LCOR: variants seen among roughly 807,000 people sequenced by gnomAD.
LCOR encodes ligand dependent nuclear receptor corepressor, also known as ligand-dependent corepressor.
A neutral mutation model predicts 64.4 loss-of-function variants in LCOR; 14 were observed. The ratio of observed to expected loss-of-function variants is 0.22; its 90% confidence interval spans 0.14 to 0.34. The LOEUF (loss-of-function observed/expected upper bound fraction) is 0.34. Among genes scored for constraint, LCOR ranks in the 10% least tolerant of loss-of-function variants. The probability of loss-of-function intolerance (pLI) is 1.00; values close to 1 mark genes in which losing one functional copy is unlikely to be tolerated. For synonymous variants in LCOR, 643 were observed against 642.5 expected (o/e 1.00, Z -0.01); for missense variants, 1,686 against 1,765.3 (o/e 0.96, Z 0.80).
At chr10:96,905,763 T>C (rs116461617) in intron 2 of LCOR, among the ~76,000 whole-genome samples, 1 of 152,154 alleles carries the variant, frequency 6.6e-6, no homozygotes, top group East Asian at 1.9e-4. Context: ...ATAATCTTGA[T>C]GGGAATTAAA....
chr10:96,923,152 G>A (rs1175833246), intron 4 of LCOR, among the ~76,000 whole-genome samples: 1 of 152,324 alleles, frequency 6.6e-6, no homozygotes, highest in East Asian at 1.9e-4. Context: ...ATGTAGGAAA[G>A]TGGCATTTAA....
chr10:96,848,047 C>G (rs1003091172), intron 2 of LCOR, among the ~76,000 whole-genome samples: 1 of 152,120 alleles, frequency 6.6e-6, no homozygotes, highest in African/African-American at 2.4e-5. Flanking sequence ...TTTCTTAAAA[C>G]CATATGAAGT....
intron 4 of LCOR, among the ~76,000 whole-genome samples, chr10:96,928,623 A>G (rs1847206934): frequency 6.6e-6 from 1 of 152,148 alleles, no homozygotes; most frequent in Non-Finnish European, 1.5e-5. Context: ...AACTCTTGTT[A>G]ATATTTATAT....
At chr10:96,952,646 C>G (rs1847701083) in intron 7 of LCOR, among the ~76,000 whole-genome samples, 1 of 151,980 alleles carries the variant, frequency 6.6e-6, no homozygotes, top group Non-Finnish European at 1.5e-5. Flanking sequence ...TTTGGCAGTT[C>G]AGAAAATGTA....
At chr10:96,871,331 A>G (rs1193075557) in intron 2 of LCOR, among the ~76,000 whole-genome samples, 4 of 151,808 alleles carry the variant, frequency 2.6e-5, no homozygotes, top group East Asian at 3.9e-4. Context: ...TGCTGGGATT[A>G]CAGTGTGAGC....
At chr10:96,833,010 C>T in intron 1 of LCOR, 2 of 985,420 alleles carry the variant, frequency 2.0e-6, no homozygotes, top group Non-Finnish European at 2.4e-6. Flanking sequence ...TCACAGTCCC[C>T]GGGTGCGCCT....
intron 2 of LCOR, among the ~76,000 whole-genome samples, chr10:96,890,003 G>C (rs963697185): frequency 1.3e-5 from 2 of 152,144 alleles, no homozygotes; most frequent in African/African-American, 4.8e-5. Flanking sequence ...CAGAGCATCT[G>C]CGCCGTTTTG....
chr10:96,862,568 G>A (rs1228269137), intron 2 of LCOR, among the ~76,000 whole-genome samples: 1 of 152,042 alleles, frequency 6.6e-6, no homozygotes, highest in Non-Finnish European at 1.5e-5. Flanking sequence ...GTCCAGCCAC[G>A]TAGGCATGAT....
intron 2 of LCOR, among the ~76,000 whole-genome samples, chr10:96,868,310 T>C (rs2134401918): frequency 6.6e-6 from 1 of 150,526 alleles, no homozygotes; most frequent in South Asian, 2.1e-4. Context: ...AGTCTTGCAC[T>C]GTTGTTCAGG....
chr10:96,957,498 C>T, intron 7 of LCOR: 1 of 985,362 alleles, frequency 1.0e-6, no homozygotes, highest in South Asian at 4.7e-5. Context: ...ACCACATGTA[C>T]TGTATATTCT....
At chr10:96,887,862 G>C (rs960422735) in intron 2 of LCOR, among the ~76,000 whole-genome samples, 2 of 151,036 alleles carry the variant, frequency 1.3e-5, no homozygotes, top group African/African-American at 2.4e-5. Context: ...TGTATTTTTA[G>C]TACAGACAGC....
At chr10:96,967,938 CT>C (rs1405485695) in intron 7 of LCOR, among the ~76,000 whole-genome samples, 1 of 152,056 alleles carries the variant, frequency 6.6e-6, no homozygotes, top group African/African-American at 2.4e-5. Context: ...CAGAATCAAC[CT>C]TTTAAAAATA....
chr10:96,949,406 A>G (rs1847640316), intron 6 of LCOR, 111 bp downstream of exon 6: 2 of 960,308 alleles, frequency 2.1e-6, no homozygotes, highest in Middle Eastern at 6.0e-4. Flanking sequence ...CATAAAAACT[A>G]ATGTGATTCT....
intron 2 of LCOR, among the ~76,000 whole-genome samples, chr10:96,891,195 A>G (rs920259682): frequency 2.6e-5 from 4 of 151,982 alleles, no homozygotes; most frequent in Non-Finnish European, 5.9e-5. Context: ...TACAGTTTTC[A>G]TACTTGTTAT....
In LCOR at chr10:96,983,879, A is replaced by G. The variant is rs1848119454; in HGVS notation, c.3419A>G (p.Asn1140Ser). Residue 1140 changes from asparagine (N) to serine (S), a missense_variant, in exon 8 of 8, where the codon AAC becomes AGC. This residue lies in a region of LCOR where 1,293 missense variants were observed against 1,410.4 expected (regional missense o/e 0.92). Transcript: ENST00000421806. This position sits in a 1 kb window ranked among gnomAD's most constrained non-coding sequence, Gnocchi z 4.5. Reference sequence around the variant, plus strand: ...GGACAGCCAACACCAAGAGCAAGGAACAAATCAGATAAACTGAAAGAGATT... The same window carrying G: ...GGACAGCCAACACCAAGAGCAAGGAGCAAATCAGATAAACTGAAAGAGATT... ...KEGQPTPRAR[N>S]KSDKLKEIWK... The G allele has an allele frequency of 6.2e-7, 1 of 1,614,088 alleles. No individual in the cohort carries two copies. Among genetic ancestry groups the G allele is most frequent in the Admixed American group, 1.7e-5 (1 of 60,008 alleles).
At chr10:96,898,105 G>A (rs540405060) in intron 2 of LCOR, among the ~76,000 whole-genome samples, 1 of 152,138 alleles carries the variant, frequency 6.6e-6, no homozygotes, top group South Asian at 2.1e-4. Flanking sequence ...GTTAAAAGAT[G>A]AATAAACTCC....
intron 7 of LCOR, chr10:96,958,478 G>A: frequency 2.2e-6 from 2 of 914,424 alleles, no homozygotes; most frequent in Non-Finnish European, 3.5e-6. Flanking sequence ...AAGAGAACTT[G>A]TATTGTGTCA....
At chr10:96,845,337 T>C (rs999517891) in intron 2 of LCOR, among the ~76,000 whole-genome samples, 1 of 152,066 alleles carries the variant, frequency 6.6e-6, no homozygotes, top group Admixed American at 6.6e-5. Context: ...TGTGGCTCTT[T>C]TGTTGCACCA....
chr10:96,852,585 C>T (rs1157088251), intron 2 of LCOR, among the ~76,000 whole-genome samples: 1 of 152,184 alleles, frequency 6.6e-6, no homozygotes, highest in African/African-American at 2.4e-5. Context: ...ACCTGAAACA[C>T]TTCTGGTCTG....
Sources: allele counts gnomAD v4.1 joint callset (sites outside exome capture counted in the v4.1 genomes callset), GRCh38; gene constraint gnomAD v4.1.1; regional missense constraint gnomAD v4.1.1; non-coding constraint Gnocchi (gnomAD v3.1); transcripts MANE v1.5; gene names NCBI Gene and HGNC (gene_info 2026-07-23, HGNC 2026-07-21).